Variants in RBFOX1 observed in about 807,000 individuals in gnomAD.
RBFOX1 encodes RNA binding protein fox-1 homolog 1.
In RBFOX1, 8 loss-of-function variants were observed where a neutral mutation model predicts 57.7. The observed-to-expected ratio is 0.14, with a 90% CI of 0.08 to 0.25. RBFOX1 has a LOEUF of 0.25. Ranked by LOEUF, RBFOX1 falls within the 10% of genes least tolerant of loss-of-function variation. RBFOX1 has a pLI of 1.00. For missense variants in RBFOX1, 611 were observed against 548.5 expected (o/e 1.11, Z -1.14); for synonymous variants, 326 against 222.4 (o/e 1.47, Z -4.15).
At chr16:5,559,829 A>G (rs72763218) in intron 2 of RBFOX1, among the ~76,000 whole-genome samples, 1 of 152,170 alleles carries the variant, frequency 6.6e-6, no homozygotes, top group Non-Finnish European at 1.5e-5. Context: ...TGCACGGACT[A>G]GCCCCTGCCT....
intron 5 of RBFOX1, among the ~76,000 whole-genome samples, chr16:7,544,719 A>C (rs543875040): frequency 2.0e-5 from 3 of 152,312 alleles, no homozygotes; most frequent in African/African-American, 7.2e-5. Context: ...TATTTTAGTC[A>C]CCTAGCTGGT....
chr16:6,825,418 C>A (rs570228409), intron 3 of RBFOX1, among the ~76,000 whole-genome samples: 1 of 152,046 alleles, frequency 6.6e-6, no homozygotes, highest in African/African-American at 2.4e-5. Flanking sequence ...GATTATTCAG[C>A]AAGGCAGGGA....
intron 4 of RBFOX1, among the ~76,000 whole-genome samples, chr16:7,162,763 T>A (rs536426729): frequency 2.0e-5 from 3 of 152,106 alleles, no homozygotes; most frequent in East Asian, 1.9e-4. Context: ...GATTTCTAGA[T>A]AAATACAAGG....
intron 1 of RBFOX1, among the ~76,000 whole-genome samples, chr16:6,107,038 C>A (rs927359314): frequency 2.0e-5 from 3 of 152,306 alleles, no homozygotes; most frequent in African/African-American, 7.2e-5. Flanking sequence ...TTCGAGTGAA[C>A]CAAACATAAT....
At chr16:6,953,585 C>T (rs1360282529) in intron 3 of RBFOX1, among the ~76,000 whole-genome samples, 1 of 152,036 alleles carries the variant, frequency 6.6e-6, no homozygotes, top group East Asian at 1.9e-4. Flanking sequence ...TGGGGTTTTG[C>T]CATGTTGGCC....
chr16:6,696,331 GA>G (rs5815341), intron 3 of RBFOX1, among the ~76,000 whole-genome samples: 31 of 151,512 alleles, frequency 2.0e-4, no homozygotes, highest in African/African-American at 6.8e-4. Context: ...GTTTTCTTTG[GA>G]AAAAAAAATT....
intron 2 of RBFOX1, among the ~76,000 whole-genome samples, chr16:6,386,309 G>A (rs1284443694): frequency 6.6e-6 from 1 of 152,172 alleles, no homozygotes; most frequent in Non-Finnish European, 1.5e-5. Flanking sequence ...CATTTTGGCT[G>A]GGAACACCAA....
intron 1 of RBFOX1, among the ~76,000 whole-genome samples, chr16:5,410,951 G>T (rs904037020): frequency 1.1e-4 from 17 of 152,200 alleles, no homozygotes; most frequent in African/African-American, 3.9e-4. Context: ...GATCATGAAA[G>T]CACTTGTTTC....
chr16:6,973,088 A>C (rs140526648), intron 3 of RBFOX1, among the ~76,000 whole-genome samples: 1 of 152,016 alleles, frequency 6.6e-6, no homozygotes, highest in Non-Finnish European at 1.5e-5. Flanking sequence ...CTGAGATTGC[A>C]CTACTGCACT....
exon 3 of RBFOX1, chr16:5,599,589 T>C (rs1266381879): frequency 4.2e-6 from 1 of 237,968 alleles, no homozygotes; most frequent in Non-Finnish European, 8.1e-6. Flanking sequence ...TTGTGTATTG[T>C]TGGTGACCTT....
chr16:7,483,096 C>A (rs1393020252), intron 4 of RBFOX1, among the ~76,000 whole-genome samples: 1 of 152,164 alleles, frequency 6.6e-6, no homozygotes, highest in Non-Finnish European at 1.5e-5. Flanking sequence ...CTTTTATTCA[C>A]CTTCCTCAAG....
chr16:6,854,587 A>ATTTTTTT (rs71147611), intron 3 of RBFOX1, among the ~76,000 whole-genome samples: 16 of 70,640 alleles, frequency 2.3e-4, no homozygotes, highest in African/African-American at 6.8e-4. Flanking sequence ...GGAGAGGTGA[A>ATTTTTTT]TTTTTTTTTT....
chr16:7,000,599 T>TTTC (rs2092701253), intron 3 of RBFOX1, among the ~76,000 whole-genome samples: 1 of 120,230 alleles, frequency 8.3e-6, no homozygotes, highest in African/African-American at 3.7e-5. Flanking sequence ...TTTCTTTCTT[T>TTTC]TTTTTTTTTT....
chr16:6,531,093 A>C (rs751859437), intron 2 of RBFOX1, among the ~76,000 whole-genome samples: 6 of 152,306 alleles, frequency 3.9e-5, no homozygotes, highest in Non-Finnish European at 7.3e-5. Context: ...CTGGAACTGC[A>C]TGAGTGACAG....
chr16:6,762,282 C>T (rs938586974), intron 3 of RBFOX1, among the ~76,000 whole-genome samples: 29 of 152,176 alleles, frequency 1.9e-4, no homozygotes, highest in Non-Finnish European at 2.9e-4. Flanking sequence ...AGAGTGCAGA[C>T]TTCTAGTGAA....
intron 4 of RBFOX1, among the ~76,000 whole-genome samples, chr16:5,962,757 A>C (rs1227679078): frequency 1.3e-5 from 2 of 151,468 alleles, no homozygotes; most frequent in Non-Finnish European, 2.9e-5. Context: ...GCTCTGGATT[A>C]GGAATTGGGT....
chr16:7,321,040 G>T (rs1205531422), intron 4 of RBFOX1, among the ~76,000 whole-genome samples: 1 of 140,470 alleles, frequency 7.1e-6, no homozygotes, highest in Non-Finnish European at 1.6e-5. Context: ...GTAAACTGGA[G>T]ACCAGAGAAA....
chr16:7,368,924 A>G (rs2097517863), intron 4 of RBFOX1, among the ~76,000 whole-genome samples: 2 of 152,104 alleles, frequency 1.3e-5, no homozygotes, highest in Admixed American at 1.3e-4. Flanking sequence ...GGTTTCATTC[A>G]TTTTTTGTGG....
intron 3 of RBFOX1, among the ~76,000 whole-genome samples, chr16:6,771,633 T>G (rs1206995618): frequency 6.6e-6 from 1 of 152,176 alleles, no homozygotes; most frequent in Non-Finnish European, 1.5e-5. Flanking sequence ...GTGGACAATT[T>G]TGCTCCTCAG....
Sources: allele counts gnomAD v4.1 joint callset (sites outside exome capture counted in the v4.1 genomes callset), GRCh38; gene constraint gnomAD v4.1.1; transcripts MANE v1.5; gene names NCBI Gene and HGNC (gene_info 2026-07-23, HGNC 2026-07-21).